The following RUBCNL variants were observed in gnomAD, a reference collection of about 807,000 sequenced individuals.
The protein encoded by RUBCNL is protein associated with UVRAG as autophagy enhancer.
RUBCNL carries 62 observed loss-of-function variants against 69.5 expected under a neutral mutation model. The ratio of observed to expected loss-of-function variants is 0.89; its 90% CI spans 0.73 to 1.10. The LOEUF is 1.10. RUBCNL is among the 50% of genes least tolerant of loss of function. The probability of loss-of-function intolerance (pLI) is 0.00; values close to 1 mark genes in which losing one functional copy is unlikely to be tolerated. For synonymous variants in RUBCNL, 291 were observed against 303.6 expected (o/e 0.96, Z 0.43); for missense variants, 768 against 798.1 (o/e 0.96, Z 0.45).
rs1442196215 is a variant in RUBCNL at position 46,344,809 on chromosome 13, A to G, written c.1808T>C (p.Ile603Thr). Reference protein sequence around the residue: ...GCELCQGKGFICEFCQNTTVI... With the variant: ...GCELCQGKGFTCEFCQNTTVI... ...AGTCGTATTCTGGCAAAATTCACAA[A>G]TAAAGCCCTTTCCTTGACACAGCTG... Residue 603 changes from isoleucine to threonine, a missense_variant, in exon 14 of 15, where the codon ATT (isoleucine) becomes ACT (threonine). Physicochemically the swap from Ile to Thr is moderately conservative, Grantham distance 89. Coordinates refer to ENST00000429979, the MANE Select transcript of RUBCNL (RefSeq NM_025113.5). 6.2e-7 allele frequency: 1 copy of G among 1,611,644 alleles called. No individual in the cohort carries two copies. Among genetic ancestry groups the G allele is most frequent in the East Asian group, 2.2e-5 (1 of 44,842 alleles).
At chr13:46,363,266 G>C in intron 5 of RUBCNL, 53 bp from the exon 6 acceptor site, 1 of 957,496 alleles carries the variant, frequency 1.0e-6, no homozygotes, top group South Asian at 1.9e-5. Context: ...AAGAAAAACT[G>C]TACAACCTGC....
chr13:46,361,440 C>G lies in RUBCNL; in HGVS notation c.1119+1G>C. The G allele has an allele frequency of 1.2e-6, 2 of 1,613,196 alleles. No individual in the cohort carries two copies. The highest frequency in any genetic ancestry group is 1.1e-5 in the South Asian group (1 of 90,940). ...CAAGGTCAATTTTTTTTGATACTTA[C>G]TATCGAGCCAGCTGCACTCAGGGAA... On this transcript the variant is annotated splice_donor_variant, in intron 8 of 14. Transcript: ENST00000429979. LOFTEE classifies it high-confidence loss of function.
intron 11 of RUBCNL, 143 bp downstream of exon 11, chr13:46,349,970 C>T: frequency 3.0e-6 from 2 of 666,338 alleles, no homozygotes; most frequent in Non-Finnish European, 2.6e-6. Flanking sequence ...AGGTGTGAGC[C>T]CCTGCGCCCA....
At chr13:46,352,367 G>A (rs2048388086) in intron 10 of RUBCNL, among the ~76,000 whole-genome samples, 1 of 152,130 alleles carries the variant, frequency 6.6e-6, no homozygotes, top group Admixed American at 6.5e-5. Flanking sequence ...GTACGTCTTT[G>A]TAACTAAAAT....
chr13:46,346,348 C>T (rs193249495), intron 12 of RUBCNL, among the ~76,000 whole-genome samples: 53 of 152,266 alleles, frequency 3.5e-4, no homozygotes, highest in Admixed American at 2.2e-3. Context: ...TTCTTTGCTC[C>T]ACCTTACTCT....
At chr13:46,345,705 T>C (rs2048232614) in intron 12 of RUBCNL, 105 bp from the exon 13 acceptor site, 3 of 1,090,146 alleles carry the variant, frequency 2.8e-6, no homozygotes, top group Non-Finnish European at 3.8e-6. Flanking sequence ...AATTTTTTTT[T>C]AACTCAATTT....
At chr13:46,345,350 C>T (rs2048222828) in intron 13 of RUBCNL, 97 bp downstream of exon 13, 3 of 1,406,882 alleles carry the variant, frequency 2.1e-6, no homozygotes, top group Non-Finnish European at 2.9e-6. Context: ...ACCGGCACTT[C>T]CCTCAGGGTT....
At chr13:46,356,815 C>A (rs2048496111) in intron 9 of RUBCNL, among the ~76,000 whole-genome samples, 1 of 151,910 alleles carries the variant, frequency 6.6e-6, no homozygotes. Flanking sequence ...CTCAAGCAAT[C>A]CTCAGCCTCC....
intron 13 of RUBCNL, among the ~76,000 whole-genome samples, chr13:46,345,230 A>G (rs1243705354): frequency 6.6e-6 from 1 of 152,186 alleles, no homozygotes. Flanking sequence ...GGGCACCCAG[A>G]TGAAGTCCAT....
intron 1 of RUBCNL, among the ~76,000 whole-genome samples, chr13:46,384,953 C>T (rs2138860178): frequency 6.6e-6 from 1 of 152,308 alleles, no homozygotes; most frequent in East Asian, 1.9e-4. Context: ...AGCCCCTAGT[C>T]TCACCATCCA....
upstream of RUBCNL, chr13:46,387,710 T>G (rs1348927619): frequency 1.0e-6 from 1 of 985,500 alleles, no homozygotes; most frequent in Non-Finnish European, 1.2e-6. Flanking sequence ...TGACCTCTGC[T>G]GGCTGCTTCA....
In RUBCNL at chr13:46,349,976, G is replaced by A. The variant is rs182898490; in HGVS notation, c.1569+137C>T. The A allele has an allele frequency of 4.2e-4, 289 of 687,868 alleles. 2 individuals carry two copies. The East Asian group carries it at 5.3e-3, about 13-fold the overall frequency. 42.6% of individuals were successfully genotyped at this position (687,868 alleles called of 1,614,324 possible). On this transcript the variant is annotated intron_variant, in intron 11 of 14. Transcript: ENST00000429979. ...TGGGATTACAGGTGTGAGCCCCTGCGCCCAGCCGCTTCACTCGCTTTATGA... is the reference window on the plus strand; with the variant it reads ...TGGGATTACAGGTGTGAGCCCCTGCACCCAGCCGCTTCACTCGCTTTATGA...
At chr13:46,368,291 T>A (rs1378484482) in intron 4 of RUBCNL, 42 bp from the exon 5 acceptor site, 5 of 1,563,902 alleles carry the variant, frequency 3.2e-6, no homozygotes, top group Non-Finnish European at 4.3e-6. Flanking sequence ...CATAATCAAC[T>A]TTTTCATGGA....
At chr13:46,376,671 G>A (rs73479890) in intron 2 of RUBCNL, among the ~76,000 whole-genome samples, 1,697 of 152,218 alleles carry the variant, frequency 0.011, 27 homozygotes, top group African/African-American at 0.038. Flanking sequence ...AGTGAACAGC[G>A]CTCATCACCC....
At chr13:46,366,745 G>A (rs947684593) in intron 5 of RUBCNL, among the ~76,000 whole-genome samples, 2 of 152,160 alleles carry the variant, frequency 1.3e-5, no homozygotes, top group African/African-American at 4.8e-5. Flanking sequence ...GGGATTGTGA[G>A]AGAGTGATGG....
intron 9 of RUBCNL, 106 bp from the exon 10 acceptor site, chr13:46,356,602 C>G (rs999933752): frequency 1.2e-6 from 1 of 846,254 alleles, no homozygotes; most frequent in Admixed American, 2.7e-5. Context: ...AACTAAGGGC[C>G]TTAACTTTGT....
At chr13:46,358,670 C>T (rs2048543473) in intron 9 of RUBCNL, among the ~76,000 whole-genome samples, 1 of 152,164 alleles carries the variant, frequency 6.6e-6, no homozygotes. Flanking sequence ...TCTTGCTCCT[C>T]AGCCTCCCGA....
At chr13:46,358,108 A>T (rs1305891192) in intron 9 of RUBCNL, among the ~76,000 whole-genome samples, 1 of 152,174 alleles carries the variant, frequency 6.6e-6, no homozygotes, top group Admixed American at 6.5e-5. Flanking sequence ...AAGAAAAGAT[A>T]CCCCAGGCTA....
At position 46,341,875 on chromosome 13, in the gene RUBCNL, T is replaced by C. The variant is rs1011385049; in HGVS notation, c.*1510A>G. On this transcript the variant is annotated 3_prime_UTR_variant, in exon 15 of 15. Transcript: ENST00000429979. ...ACCTAGGAAAGTTATTTCTCTTCTC[T>C]AGGCCTCAGTTTCCTTGCCTGTAAA... is the stretch of plus-strand genomic sequence containing the variant. 6.6e-6 allele frequency: 1 copy of C among 152,244 alleles called. No individual in the cohort carries two copies. The highest frequency in any genetic ancestry group is 1.5e-5 in the Non-Finnish European group (1 of 68,048). 9.4% of individuals were successfully genotyped at this position (152,244 alleles called of 1,614,324 possible).
Sources: gnomAD v4.1 joint callset for allele counts (sites outside exome capture counted in the v4.1 genomes callset) on GRCh38, gnomAD v4.1.1 for gene constraint, MANE v1.5 for transcripts, NCBI Gene and HGNC (gene_info 2026-07-23, HGNC 2026-07-21) for gene names.